Variants in SYT16 observed in about 807,000 individuals in gnomAD.
SYT16 encodes the protein synaptotagmin 16, also known as synaptotagmin-16.
Under a neutral mutation model 61.4 loss-of-function variants are expected in SYT16, and 42 were observed. The ratio of observed to expected loss-of-function variants is 0.68; its 90% CI spans 0.53 to 0.89. The LOEUF is 0.89. Among genes scored for constraint, SYT16 ranks in the 40% least tolerant of loss-of-function variants. The pLI is 0.00. For synonymous variants in SYT16, 314 were observed against 302.3 expected, an observed-to-expected ratio of 1.04 and a Z score of -0.40; for missense variants, 804 against 807.3, an observed-to-expected ratio of 1.00 and a Z score of 0.05.
chr14:62,034,121 CA>C (rs2054412565), intron 3 of SYT16, among the ~76,000 whole-genome samples: 1 of 152,254 alleles, frequency 6.6e-6, no homozygotes, highest in South Asian at 2.1e-4. Context: ...TCTTAGCTAT[CA>C]GAGCAAAGCA....
At chr14:62,000,600 G>A (rs2052974163) in intron 3 of SYT16, among the ~76,000 whole-genome samples, 1 of 151,756 alleles carries the variant, frequency 6.6e-6, no homozygotes, top group Non-Finnish European at 1.5e-5. Context: ...TGATTTGTTT[G>A]TTCCATCTGT....
At chr14:62,066,650 C>A (rs2056072916) in intron 3 of SYT16, among the ~76,000 whole-genome samples, 1 of 152,206 alleles carries the variant, frequency 6.6e-6, no homozygotes, top group South Asian at 2.1e-4. Context: ...TGTGAATGAA[C>A]AACCATATTC....
At chr14:62,056,597 A>C in intron 3 of SYT16, among the ~76,000 whole-genome samples, 1 of 152,198 alleles carries the variant, frequency 6.6e-6, no homozygotes, top group East Asian at 1.9e-4. Context: ...CCTTTTGCAG[A>C]AACGCACGTA....
rs564132601 is a variant in SYT16 at position 62,052,027 on chromosome 14, G to A, written c.524-17576G>A. Among the ~76,000 whole-genome samples the A allele has an allele frequency of 1.2e-3, 190 of 152,158 alleles. 2 individuals are homozygous for A. The highest frequency in any genetic ancestry group is 4.2e-3 in the South Asian group (20 of 4,816). Reference sequence around the variant, plus strand: ...ATTTTAAAAAAATGCAGTCTTTATCGTCTCTGATTTTGTTATGTTTTCTTT... The same window carrying A: ...ATTTTAAAAAAATGCAGTCTTTATCATCTCTGATTTTGTTATGTTTTCTTT... On this transcript the variant is annotated intron_variant, in intron 3 of 7. Transcript: ENST00000683842.
rs113598028 is a variant in SYT16 at position 61,814,936 on chromosome 14, C to G, written c.-325+2126C>G. On this transcript the variant is annotated intron_variant, in intron 1 of 7. Coordinates refer to ENST00000683842, the MANE Select transcript of SYT16 (RefSeq NM_001367656.1). ...GAGATGATTTTGAAAACGTAGAGCC[C>G]AGGGCTTCTCCCAGATACAGAATTC... is the stretch of plus-strand genomic sequence containing the variant. 7.4e-3 allele frequency among the ~76,000 whole-genome samples: 1,131 copies of G among 152,290 alleles called. 16 individuals carry two copies. Among genetic ancestry groups the G allele is most frequent in the African/African-American group, 0.026 (1,093 of 41,540 alleles).
intron 1 of SYT16, among the ~76,000 whole-genome samples, chr14:61,845,979 A>G (rs150531662): frequency 1.3e-5 from 2 of 152,244 alleles, no homozygotes; most frequent in African/African-American, 4.8e-5. Context: ...ATGTATTTGT[A>G]TCGTTTCCAA....
rs181611612 is a variant in SYT16 at position 62,091,879 on chromosome 14, T to C, written c.1624+7494T>C. Among the ~76,000 whole-genome samples, 44 of 152,178 alleles carry C rather than the reference T, an allele frequency of 2.9e-4. No individual in the cohort carries two copies. The East Asian group carries it at 8.3e-3, about 29-fold the overall frequency. On this transcript the variant is annotated intron_variant, in intron 7 of 7. Coordinates refer to ENST00000683842, the MANE Select transcript of SYT16 (RefSeq NM_001367656.1). ...TGGACTTCATGTAAGTTCAAAAATT[T>C]TGTGCATCAAAAGATAATAGAGTAA...
At chr14:61,992,483 A>G (rs2052592412) in intron 2 of SYT16, among the ~76,000 whole-genome samples, 1 of 152,084 alleles carries the variant, frequency 6.6e-6, no homozygotes, top group Admixed American at 6.6e-5. Flanking sequence ...AAGCTGGTTG[A>G]TAAATAGCCA....
At chr14:61,920,356 T>TATCAAGCTGTCA (rs2049284046) in intron 1 of SYT16, among the ~76,000 whole-genome samples, 1 of 152,188 alleles carries the variant, frequency 6.6e-6, no homozygotes, top group Admixed American at 6.5e-5. Flanking sequence ...GCACCTCACC[T>TATCAAGCTGTCA]ATCAAGCTGT....
intron 4 of SYT16, among the ~76,000 whole-genome samples, chr14:62,070,500 C>T (rs1355410518): frequency 6.6e-6 from 1 of 152,116 alleles, no homozygotes; most frequent in Non-Finnish European, 1.5e-5. Context: ...AGGGGATACT[C>T]AAAGCTAGGG....
Position 62,078,155 on chromosome 14 carries a change from C to CTCTATATATA in SYT16, c.994-2678_994-2677insCTATATATAT, listed in dbSNP as rs766089633. 4.7e-3 allele frequency among the ~76,000 whole-genome samples: 636 copies of CTCTATATATA among 135,952 alleles called. 5 individuals carry two copies. Among genetic ancestry groups the CTCTATATATA allele is most frequent in the African/African-American group, 0.016 (567 of 34,776 alleles). The allele number at this position is 135,952 out of a possible 152,430, so 89.2% of individuals were successfully genotyped here. A position where few individuals can be genotyped will look rare whatever the true frequency, so the allele number is the denominator to read the frequency against. ...GCTCTCTCGCTCTCTCTCTCTCTCT[C>CTCTATATATA]TATATATATATATATAAACACACAC... On this transcript the variant is annotated intron_variant, in intron 5 of 7. Coordinates refer to ENST00000683842, the MANE Select transcript of SYT16 (RefSeq NM_001367656.1).
At chr14:62,092,004 A>G (rs573641559) in intron 7 of SYT16, among the ~76,000 whole-genome samples, 1 of 152,246 alleles carries the variant, frequency 6.6e-6, no homozygotes, top group East Asian at 1.9e-4. Flanking sequence ...CTCAACAACA[A>G]AACAGTGTGA....
intron 1 of SYT16, among the ~76,000 whole-genome samples, chr14:61,847,696 CT>C (rs2046485171): frequency 6.6e-6 from 1 of 152,032 alleles, no homozygotes; most frequent in African/African-American, 2.4e-5. Context: ...ATAACTCTGC[CT>C]TTTAAAGACT....
intron 2 of SYT16, among the ~76,000 whole-genome samples, chr14:61,986,139 C>T (rs1315504375): frequency 6.6e-6 from 1 of 151,874 alleles, no homozygotes; most frequent in African/African-American, 2.4e-5. Context: ...ATTCCACTGT[C>T]TCTCCTAATC....
chr14:62,077,471 T>G (rs2056537457), intron 5 of SYT16: 1 of 152,170 alleles, frequency 6.6e-6, no homozygotes, highest in South Asian at 2.1e-4. Context: ...ACAATGGGAG[T>G]GTGGCTGGTG....
In SYT16 at chr14:62,112,175, G is replaced by A. The variant is rs1178997892; in HGVS notation, c.*11468G>A. On this transcript the variant is annotated 3_prime_UTR_variant, in exon 8 of 8. Transcript: ENST00000683842. ...GAAATATTGAATGTCAATACTTTTT[G>A]TTAGAAATGCCCTCTGAAAATGTTA... is the stretch of plus-strand genomic sequence containing the variant. 2 of 152,016 alleles carry A rather than the reference G, an allele frequency of 1.3e-5. No homozygotes were observed. Among genetic ancestry groups the A allele is most frequent in the Non-Finnish European group, 2.9e-5 (2 of 67,932 alleles). The allele number at this position is 152,016 out of a possible 1,614,324, so 9.4% of individuals were successfully genotyped here. A position where few individuals can be genotyped will look rare whatever the true frequency, so the allele number is the denominator to read the frequency against.
intron 3 of SYT16, among the ~76,000 whole-genome samples, chr14:62,022,698 T>G (rs2053959824): frequency 6.6e-6 from 1 of 152,092 alleles, no homozygotes; most frequent in African/African-American, 2.4e-5. Context: ...TTTTAAAAAA[T>G]GTACTTCAGT....
chr14:61,977,400 C>G (rs947375533), intron 2 of SYT16, among the ~76,000 whole-genome samples: 2 of 152,166 alleles, frequency 1.3e-5, no homozygotes, highest in African/African-American at 4.8e-5. Flanking sequence ...ACTCACAGTT[C>G]AGCATGGCTG....
At chr14:61,954,360 C>T (rs1253445893) in intron 1 of SYT16, among the ~76,000 whole-genome samples, 2 of 143,394 alleles carry the variant, frequency 1.4e-5, no homozygotes, top group African/African-American at 2.6e-5. Flanking sequence ...AATTTACAAA[C>T]ATCTAGTGAC....
Sources: allele counts gnomAD v4.1 joint callset (sites outside exome capture counted in the v4.1 genomes callset), GRCh38; gene constraint gnomAD v4.1.1; transcripts MANE v1.5; gene names NCBI Gene and HGNC (gene_info 2026-07-23, HGNC 2026-07-21).